ARFGEF1: variants seen among roughly 807,000 people sequenced by gnomAD.
ARFGEF1 encodes brefeldin A-inhibited guanine nucleotide-exchange protein 1.
ARFGEF1 carries 42 observed loss-of-function variants against 231.0 expected under a neutral mutation model. The ratio of observed to expected loss-of-function variants is 0.18; its 90% CI spans 0.14 to 0.24. The LOEUF is 0.24. Among genes scored for constraint, ARFGEF1 ranks in the 10% least tolerant of loss-of-function variants. The probability of loss-of-function intolerance (pLI) is 1.00; values close to 1 mark genes in which losing one functional copy is unlikely to be tolerated. For missense variants in ARFGEF1, 1,345 were observed against 2,192.0 expected (o/e 0.61, Z 7.72); for synonymous variants, 710 against 732.3 (o/e 0.97, Z 0.49).
chr8:67,211,426 T>C, intron 34 of ARFGEF1, 57 bp downstream of exon 34: 1 of 1,353,808 alleles, frequency 7.4e-7, no homozygotes, highest in Non-Finnish European at 9.9e-7. Context: ...AAACCAAAAA[T>C]GTTAACCCTT....
At chr8:67,214,569 G>T (rs936547687) in intron 33 of ARFGEF1, among the ~76,000 whole-genome samples, 1 of 152,130 alleles carries the variant, frequency 6.6e-6, no homozygotes, top group Non-Finnish European at 1.5e-5. Context: ...TGGAGAGAAG[G>T]CCAAGGCTAT....
intron 4 of ARFGEF1, among the ~76,000 whole-genome samples, chr8:67,298,216 T>C (rs540444415): frequency 4.2e-4 from 64 of 152,208 alleles, no homozygotes; most frequent in African/African-American, 1.4e-3. Context: ...ACTTCATATA[T>C]ACACGTAAAA....
intron 1 of ARFGEF1, among the ~76,000 whole-genome samples, chr8:67,313,308 G>A (rs1398684207): frequency 6.6e-6 from 1 of 152,136 alleles, no homozygotes; most frequent in African/African-American, 2.4e-5. Context: ...TTCTTGGTTT[G>A]GATCCACTGC....
intron 10 of ARFGEF1, among the ~76,000 whole-genome samples, chr8:67,270,067 G>A (rs1805012948): frequency 6.6e-6 from 1 of 152,160 alleles, no homozygotes; most frequent in Non-Finnish European, 1.5e-5. Context: ...TCAGATGAAA[G>A]ACTTCTGGTT....
At chr8:67,241,759 G>A (rs565825116) in intron 19 of ARFGEF1, among the ~76,000 whole-genome samples, 4 of 152,234 alleles carry the variant, frequency 2.6e-5, no homozygotes, top group South Asian at 2.1e-4. Flanking sequence ...AGAAACAGGT[G>A]AGCACTCACA....
Position 67,197,758 on chromosome 8 carries a change from ATTT to A in ARFGEF1, c.*1173_*1175del. The A allele has an allele frequency of 1.2e-5, 12 of 985,836 alleles. No individual in the cohort carries two copies. Among genetic ancestry groups the A allele is most frequent in the Non-Finnish European group, 1.4e-5 (12 of 829,932 alleles). The allele number at this position is 985,836 out of a possible 1,614,324, so 61.1% of individuals were successfully genotyped here. On this transcript the variant is annotated 3_prime_UTR_variant, in exon 39 of 39. Transcript: ENST00000262215. The stretch of plus-strand genomic sequence containing the variant: ...AATATTGTACAGAAAGTTGTACAGA[ATTT>A]TTTACATAGAAAACTTTACATCTGT...
At chr8:67,238,315 AT>A (rs764297963) in intron 22 of ARFGEF1, 27 bp downstream of exon 22, 13 of 1,568,754 alleles carry the variant, frequency 8.3e-6, no homozygotes, top group Middle Eastern at 1.7e-4. Context: ...GTTAAAAACA[AT>A]TTTTGATACT....
At chr8:67,331,881 C>A (rs1808116605) in intron 1 of ARFGEF1, among the ~76,000 whole-genome samples, 1 of 152,088 alleles carries the variant, frequency 6.6e-6, no homozygotes, top group African/African-American at 2.4e-5. Context: ...GGCAACCTTG[C>A]CTTAAGGAAC....
At chr8:67,289,297 G>A (rs557673837) in intron 6 of ARFGEF1, among the ~76,000 whole-genome samples, 1 of 152,048 alleles carries the variant, frequency 6.6e-6, no homozygotes, top group Non-Finnish European at 1.5e-5. Context: ...GGTCACACCT[G>A]TAATCCCAGC....
intron 5 of ARFGEF1, among the ~76,000 whole-genome samples, chr8:67,191,780 T>C (rs1836326814): frequency 6.6e-6 from 1 of 152,192 alleles, no homozygotes; most frequent in Admixed American, 6.5e-5. Context: ...TAGAAGGAAA[T>C]TGTTGGGTTA....
intron 19 of ARFGEF1, among the ~76,000 whole-genome samples, chr8:67,241,855 G>A (rs73693157): frequency 0.016 from 2,382 of 152,106 alleles, 54 homozygotes; most frequent in African/African-American, 0.053. Context: ...TCCCTCCCCC[G>A]TCTCCCATCA....
chr8:67,276,440 C>A (rs1805317052), intron 8 of ARFGEF1, among the ~76,000 whole-genome samples: 1 of 152,058 alleles, frequency 6.6e-6, no homozygotes, highest in African/African-American at 2.4e-5. Context: ...AATTATACTC[C>A]CTACTACCTG....
At chr8:67,279,766 A>G (rs1425017843) in intron 7 of ARFGEF1, among the ~76,000 whole-genome samples, 1 of 152,232 alleles carries the variant, frequency 6.6e-6, no homozygotes, top group Admixed American at 6.5e-5. Flanking sequence ...GGGGATAGTA[A>G]TAGTACCTAA....
At chr8:67,203,354 G>A (rs1838399694) in intron 35 of ARFGEF1, 103 bp from the exon 36 acceptor site, 2 of 1,320,798 alleles carry the variant, frequency 1.5e-6, no homozygotes, top group African/African-American at 3.0e-5. Flanking sequence ...GAAAGCCACA[G>A]ATACTCAGCT....
intron 1 of ARFGEF1, among the ~76,000 whole-genome samples, chr8:67,320,856 G>A (rs1261668032): frequency 6.6e-6 from 1 of 152,122 alleles, no homozygotes; most frequent in South Asian, 2.1e-4. Context: ...AGCTACTCGG[G>A]AGGCTGAGGC....
chr8:67,210,828 GCGGATCATAAGGT>G lies in ARFGEF1; in HGVS notation c.4819+642_4819+654del. Reference sequence around the variant, plus strand: ...CCAGCACTTTGGGAGGCTGAGGCGGGCGGATCATAAGGTCAGGAGTTTGAGACCAGCCTGGCCA... The same window carrying G: ...CCAGCACTTTGGGAGGCTGAGGCGGGCAGGAGTTTGAGACCAGCCTGGCCA... On this transcript the variant is annotated intron_variant, in intron 34 of 38. Transcript: ENST00000262215. 1.3e-5 allele frequency among the ~76,000 whole-genome samples: 2 copies of G among 152,030 alleles called. 1 individual carries two copies. Among genetic ancestry groups the G allele is most frequent in the Non-Finnish European group, 2.9e-5 (2 of 68,000 alleles).
At chr8:67,220,246 G>C (rs1349935613) in intron 29 of ARFGEF1, among the ~76,000 whole-genome samples, 1 of 152,184 alleles carries the variant, frequency 6.6e-6, no homozygotes, top group African/African-American at 2.4e-5. Context: ...ACTGTTTCTT[G>C]AAATAATACT....
chr8:67,314,498 T>A (rs920126826), intron 1 of ARFGEF1, among the ~76,000 whole-genome samples: 6 of 152,142 alleles, frequency 3.9e-5, no homozygotes, highest in African/African-American at 1.2e-4. Context: ...TTGACTCAGC[T>A]CCAGGTAAAG....
intron 18 of ARFGEF1, 59 bp from the exon 19 acceptor site, chr8:67,251,509 A>G (rs1389389078): frequency 2.1e-6 from 3 of 1,417,862 alleles, no homozygotes; most frequent in African/African-American, 2.9e-5. Context: ...TTCTATTTTG[A>G]TATTTTACTA....
Sources: allele counts gnomAD v4.1 joint callset (sites outside exome capture counted in the v4.1 genomes callset), GRCh38; gene constraint gnomAD v4.1.1; transcripts MANE v1.5; gene names NCBI Gene and HGNC (gene_info 2026-07-23, HGNC 2026-07-21).